Variants in OR52I2 observed in about 807,000 individuals in gnomAD.
The protein encoded by OR52I2 is olfactory receptor 52I2.
For missense variants in OR52I2, 350 were observed against 402.4 expected, an observed-to-expected ratio of 0.87 and a Z score of 1.11; for synonymous variants, 147 against 151.9, an observed-to-expected ratio of 0.97 and a Z score of 0.24.
chr11:4,584,763 G>C (rs115197087), intron 1 of OR52I2, among the ~76,000 whole-genome samples: 66 of 152,274 alleles, frequency 4.3e-4, no homozygotes, highest in African/African-American at 1.4e-3. Flanking sequence ...ATCTTGCTGC[G>C]TATAGCCTGT....
At chr11:4,589,821 A>G (rs1210932244) in exon 2 of OR52I2, 1 of 152,210 alleles carries the variant, frequency 6.6e-6, no homozygotes, top group Non-Finnish European at 1.5e-5. Context: ...ATTCAAATGC[A>G]TATGCCTTAG....
At chr11:4,583,346 G>C (rs1054297520) in intron 1 of OR52I2, among the ~76,000 whole-genome samples, 2 of 152,154 alleles carry the variant, frequency 1.3e-5, no homozygotes, top group Non-Finnish European at 2.9e-5. Flanking sequence ...GAGGAGGGAT[G>C]AGGCAAGCAT....
chr11:4,582,434 ATTTTT>A (rs386372959), intron 1 of OR52I2, among the ~76,000 whole-genome samples: 24,230 of 96,048 alleles, frequency 0.25, 2,172 homozygotes, highest in East Asian at 0.42. Flanking sequence ...TTTATTTTTC[ATTTTT>A]TTTTTTTTTT....
chr11:4,587,184 T>C (rs748372319), exon 2 of OR52I2: 13 of 1,614,102 alleles, frequency 8.1e-6, no homozygotes, highest in Non-Finnish European at 1.1e-5. Flanking sequence ...CAATCAGCTT[T>C]AGTGCTTGTT....
chr11:4,593,258 G>A (rs886574285), exon 2 of OR52I2: 9 of 152,854 alleles, frequency 5.9e-5, no homozygotes, highest in African/African-American at 1.9e-4. Context: ...CATCTATAAG[G>A]TAACCCTAAG....
At chr11:4,587,114 T>G in exon 2 of OR52I2, 1 of 1,614,182 alleles carries the variant, frequency 6.2e-7, no homozygotes, top group Non-Finnish European at 8.5e-7. Context: ...GCTGTGGACA[T>G]TGTTATGGCC....
At chr11:4,584,030 T>C (rs186988689) in intron 1 of OR52I2, among the ~76,000 whole-genome samples, 33 of 152,308 alleles carry the variant, frequency 2.2e-4, no homozygotes, top group African/African-American at 7.5e-4. Context: ...ATCTATTTCA[T>C]CACTCAGGTA....
chr11:4,584,338 T>C (rs1846282772), intron 1 of OR52I2, among the ~76,000 whole-genome samples: 2 of 152,180 alleles, frequency 1.3e-5, no homozygotes, highest in African/African-American at 2.4e-5. Flanking sequence ...CCATGAGGGT[T>C]TGAGAAAAGA....
chr11:4,584,732 C>T (rs1846286254), intron 1 of OR52I2, among the ~76,000 whole-genome samples: 1 of 152,142 alleles, frequency 6.6e-6, no homozygotes, highest in African/African-American at 2.4e-5. Flanking sequence ...GTGGGCTCCT[C>T]ATCATAGTCC....
exon 2 of OR52I2, chr11:4,590,225 T>C (rs576478634): frequency 6.6e-6 from 1 of 152,196 alleles, no homozygotes; most frequent in Non-Finnish European, 1.5e-5. Context: ...TCATAGTGTT[T>C]TAAAAAGTTA....
At chr11:4,587,273 T>C in exon 2 of OR52I2, 1 of 1,614,076 alleles carries the variant, frequency 6.2e-7, no homozygotes, top group Middle Eastern at 1.7e-4. Context: ...GACCGCTATG[T>C]AGCCATCTGC....
chr11:4,581,827 C>T (rs1050351469), exon 1 of OR52I2: 1 of 152,216 alleles, frequency 6.6e-6, no homozygotes, highest in African/African-American at 2.4e-5. Flanking sequence ...CAGGCATCAA[C>T]CCATCAGGGA....
chr11:4,582,133 G>A (rs990342942), intron 1 of OR52I2, among the ~76,000 whole-genome samples: 1 of 152,206 alleles, frequency 6.6e-6, no homozygotes, highest in African/African-American at 2.4e-5. Context: ...AGCTGGTGGA[G>A]TAACAGTTTT....
chr11:4,592,668 C>T (rs926412707), exon 2 of OR52I2: 1 of 152,146 alleles, frequency 6.6e-6, no homozygotes, highest in Admixed American at 6.5e-5. Flanking sequence ...AACTAAACAG[C>T]TATCACACAG....
At chr11:4,587,720 C>T in exon 2 of OR52I2, 2 of 1,614,166 alleles carry the variant, frequency 1.2e-6, no homozygotes, top group Non-Finnish European at 1.7e-6. Context: ...CCCTTGCACA[C>T]CCAAGTCCTG....
At chr11:4,587,263 G>A (rs1231384687) in exon 2 of OR52I2, 1 of 1,613,834 alleles carries the variant, frequency 6.2e-7, no homozygotes, top group Non-Finnish European at 8.5e-7. Flanking sequence ...CATGGCTTTT[G>A]ACCGCTATGT....
chr11:4,585,685 C>T (rs376615362), intron 1 of OR52I2, among the ~76,000 whole-genome samples: 1 of 152,158 alleles, frequency 6.6e-6, no homozygotes, highest in South Asian at 2.1e-4. Flanking sequence ...AACCCCTAAT[C>T]TTGTTTTATC....
chr11:4,587,280 C>A, exon 2 of OR52I2: 2 of 1,613,978 alleles, frequency 1.2e-6, no homozygotes, highest in Non-Finnish European at 1.7e-6. Context: ...ATGTAGCCAT[C>A]TGCAAGCCTC....
At chr11:4,582,433 C>CTTTTTT (rs1564859030) in intron 1 of OR52I2, among the ~76,000 whole-genome samples, 6 of 74,662 alleles carry the variant, frequency 8.0e-5, no homozygotes, top group Admixed American at 3.9e-4. Flanking sequence ...ATTTATTTTT[C>CTTTTTT]ATTTTTTTTT....
Sources: allele counts gnomAD v4.1 joint callset (sites outside exome capture counted in the v4.1 genomes callset), GRCh38; gene constraint gnomAD v4.1.1; transcripts MANE v1.5; gene names NCBI Gene and HGNC (gene_info 2026-07-23, HGNC 2026-07-21).